DOCK5: variants seen among roughly 807,000 people sequenced by gnomAD.
DOCK5 encodes dedicator of cytokinesis 5, also known as dedicator of cytokinesis protein 5.
DOCK5 carries 142 observed loss-of-function variants against 251.8 expected under a neutral mutation model. That is an observed-to-expected ratio of 0.56 (90% CI 0.49 to 0.65). The LOEUF (loss-of-function observed/expected upper bound fraction) is 0.65. Ranked by LOEUF, DOCK5 falls within the 30% of genes least tolerant of loss-of-function variation. The pLI, the probability that DOCK5 is intolerant of heterozygous loss-of-function variation, is 0.00. For synonymous variants in DOCK5, 842 were observed against 835.5 expected (o/e 1.01, Z -0.13); for missense variants, 2,111 against 2,312.3 (o/e 0.91, Z 1.79).
intron 13 of DOCK5, among the ~76,000 whole-genome samples, chr8:25,314,478 G>A (rs1250168763): frequency 6.6e-6 from 1 of 151,852 alleles, no homozygotes; most frequent in East Asian, 1.9e-4. Context: ...TCATAATTCT[G>A]TGCATCTAGG....
At chr8:25,384,777 A>AT (rs1207076981) in intron 40 of DOCK5, among the ~76,000 whole-genome samples, 2 of 152,022 alleles carry the variant, frequency 1.3e-5, no homozygotes, top group African/African-American at 4.8e-5. Context: ...TAATAAAAAA[A>AT]AGAATCAGGG....
chr8:25,299,211 C>A, intron 8 of DOCK5, 110 bp downstream of exon 8: 1 of 1,261,452 alleles, frequency 7.9e-7, no homozygotes, highest in Non-Finnish European at 1.1e-6. Flanking sequence ...AATAGGGAAG[C>A]ATGGAAGATT....
At chr8:25,376,409 C>A in intron 37 of DOCK5, 1 of 976,856 alleles carries the variant, frequency 1.0e-6, no homozygotes, top group Non-Finnish European at 1.2e-6. Flanking sequence ...GGGAGGGAAT[C>A]TCTTTCTAGA....
intron 24 of DOCK5, among the ~76,000 whole-genome samples, chr8:25,342,101 G>C (rs1478111107): frequency 6.6e-6 from 1 of 152,150 alleles, no homozygotes; most frequent in Non-Finnish European, 1.5e-5. Context: ...TGCAAAGTCA[G>C]ACTGCAATCA....
chr8:25,311,146 C>T (rs371937420), intron 13 of DOCK5, among the ~76,000 whole-genome samples: 1 of 152,066 alleles, frequency 6.6e-6, no homozygotes, highest in African/African-American at 2.4e-5. Flanking sequence ...TTGCTGACTT[C>T]GCCCATTTAA....
intron 27 of DOCK5, among the ~76,000 whole-genome samples, chr8:25,356,634 T>G (rs942136949): frequency 6.6e-6 from 1 of 152,082 alleles, no homozygotes; most frequent in Non-Finnish European, 1.5e-5. Context: ...GCCACTGCAC[T>G]GTAGCCTGAG....
chr8:25,229,487 A>AT, intron 1 of DOCK5, among the ~76,000 whole-genome samples: 1 of 152,222 alleles, frequency 6.6e-6, no homozygotes, highest in Admixed American at 6.5e-5. Context: ...TATCAAAAAA[A>AT]AAAAGTGCAG....
chr8:25,400,932 C>T lies in DOCK5; in HGVS notation c.4792C>T (p.Pro1598Ser). 6.2e-7 allele frequency: 1 copy of T among 1,613,906 alleles called. No individual in the cohort carries two copies. Among genetic ancestry groups the T allele is most frequent in the Non-Finnish European group, 8.5e-7 (1 of 1,179,818 alleles). The change falls in exon 47 of 52, where the codon CCC becomes TCC. Residue 1598 changes from proline (P) to serine (S), a missense_variant. Pro to Ser is a moderately conservative substitution (Grantham distance 74). Transcript: ENST00000276440. ...LLKRLIALQMPLLTEGIRIHG... is the reference protein window; with the variant it reads ...LLKRLIALQMSLLTEGIRIHG... ...CATTTTTTGCCCTTCTTTCCAGATGCCCCTGCTAACAGAAGGGATCCGCAT... is the reference window on the plus strand; with the variant it reads ...CATTTTTTGCCCTTCTTTCCAGATGTCCCTGCTAACAGAAGGGATCCGCAT...
chr8:25,206,560 C>T (rs775067165), intron 1 of DOCK5, among the ~76,000 whole-genome samples: 1 of 152,130 alleles, frequency 6.6e-6, no homozygotes, highest in Non-Finnish European at 1.5e-5. Context: ...GGGCTAGTTC[C>T]TACATGACAA....
rs188450238 is a variant in DOCK5, at chr8:25,403,425, A to G, written c.4927-133A>G. 125 of 894,048 alleles carry G rather than the reference A, an allele frequency of 1.4e-4. No individual in the cohort carries two copies. The Admixed American group carries it at 2.5e-3, about 18-fold the overall frequency. 55.4% of individuals were successfully genotyped at this position (894,048 alleles called of 1,614,324 possible). On this transcript the variant is annotated intron_variant, in intron 47 of 51. Transcript: ENST00000276440. The stretch of plus-strand genomic sequence containing the variant: ...ATAGAGGCAGCACAGGCACCAACCA[A>G]TCAGAATGGGGTGCCAGCCACATAA...
chr8:25,220,832 G>A (rs1802367099), intron 1 of DOCK5, among the ~76,000 whole-genome samples: 2 of 152,146 alleles, frequency 1.3e-5, no homozygotes, highest in African/African-American at 4.8e-5. Flanking sequence ...TTGAACTCCT[G>A]ACTTCAGGTG....
At chr8:25,363,609 T>A (rs908624845) in intron 29 of DOCK5, among the ~76,000 whole-genome samples, 1 of 152,246 alleles carries the variant, frequency 6.6e-6, no homozygotes, top group African/African-American at 2.4e-5. Context: ...CCATGGTTAT[T>A]TTATCAGGAT....
chr8:25,221,506 G>A lies in DOCK5; in HGVS notation c.44-22168G>A, dbSNP rs151127258. Among the ~76,000 whole-genome samples the A allele has an allele frequency of 2.8e-3, 426 of 152,046 alleles. 1 individual carries two copies. The highest frequency in any genetic ancestry group is 9.5e-3 in the African/African-American group (393 of 41,492). On this transcript the variant is annotated intron_variant, in intron 1 of 51. Transcript: ENST00000276440. The stretch of plus-strand genomic sequence containing the variant: ...GTATTTTTAGTAGAGAAGGGGTTTC[G>A]CCAAGTTGGCCAGGATGGTCTCAAT...
At chr8:25,320,693 C>T (rs554949191) in intron 15 of DOCK5, among the ~76,000 whole-genome samples, 1 of 152,260 alleles carries the variant, frequency 6.6e-6, no homozygotes, top group South Asian at 2.1e-4. Flanking sequence ...CTGTGTGGAC[C>T]TCAAAATACC....
chr8:25,352,295 GGA>G (rs1268861115), intron 27 of DOCK5, among the ~76,000 whole-genome samples: 1 of 122,850 alleles, frequency 8.1e-6, no homozygotes, highest in African/African-American at 3.2e-5. Flanking sequence ...AAGGAAAAAA[GGA>G]GAGAAAAGAA....
At chr8:25,375,568 C>T in intron 37 of DOCK5, 1 of 480,210 alleles carries the variant, frequency 2.1e-6, no homozygotes, top group African/African-American at 2.1e-5. Context: ...CCCTGACTAC[C>T]ACCTTGGTCC....
intron 2 of DOCK5, 114 bp from the exon 3 acceptor site, chr8:25,268,731 C>G: frequency 1.2e-6 from 1 of 824,832 alleles, no homozygotes; most frequent in South Asian, 1.7e-5. Context: ...TTAATTGTCT[C>G]TGTCAACTGT....
chr8:25,306,225 C>T (rs1804920956), intron 11 of DOCK5, among the ~76,000 whole-genome samples: 1 of 152,094 alleles, frequency 6.6e-6, no homozygotes, highest in Non-Finnish European at 1.5e-5. Context: ...ATGCTACCAC[C>T]TATATATTGA....
rs1389360598 is a variant in DOCK5, at chr8:25,411,565, A to G, written c.*267A>G. 2 of 354,894 alleles carry G rather than the reference A, an allele frequency of 5.6e-6. No individual in the cohort carries two copies. The highest frequency in any genetic ancestry group is 9.8e-5 in the Admixed American group (2 of 20,448). The allele number at this position is 354,894 out of a possible 1,614,324, so 22.0% of individuals were successfully genotyped here. ...TTTCCAAGAAGAGATTGCCTTCACC[A>G]TTGTTAAATGTCAGCCTGTACGGCA... On this transcript the variant is annotated 3_prime_UTR_variant, in exon 52 of 52. Coordinates refer to ENST00000276440, the MANE Select transcript of DOCK5 (RefSeq NM_024940.8).
Sources: allele counts gnomAD v4.1 joint callset (sites outside exome capture counted in the v4.1 genomes callset), GRCh38; gene constraint gnomAD v4.1.1; transcripts MANE v1.5; gene names NCBI Gene and HGNC (gene_info 2026-07-23, HGNC 2026-07-21).